Variants in UNC13C observed in about 807,000 individuals in gnomAD.
UNC13C encodes unc-13 homolog C.
In UNC13C, 174 loss-of-function variants were observed where a neutral mutation model predicts 245.4. The observed-to-expected ratio is 0.71, with a 90% CI of 0.63 to 0.80. The LOEUF (loss-of-function observed/expected upper bound fraction) is 0.80. UNC13C is among the 30% of genes least tolerant of loss of function. The pLI is 0.00. For missense variants in UNC13C, 2,829 were observed against 2,602.9 expected, an observed-to-expected ratio of 1.09 and a Z score of -1.89; for synonymous variants, 992 against 895.1, an observed-to-expected ratio of 1.11 and a Z score of -1.93.
At chr15:54,336,475 T>C (rs1286542302) in intron 16 of UNC13C, among the ~76,000 whole-genome samples, 1 of 147,734 alleles carries the variant, frequency 6.8e-6, no homozygotes, top group African/African-American at 2.5e-5. Flanking sequence ...GTTTTTAATT[T>C]TGGTCTACTT....
intron 30 of UNC13C, among the ~76,000 whole-genome samples, chr15:54,621,541 G>A (rs1354340446): frequency 6.6e-6 from 1 of 152,060 alleles, no homozygotes; most frequent in Non-Finnish European, 1.5e-5. Flanking sequence ...ACATTTTTAG[G>A]TGAAAAGATA....
At chr15:54,561,460 T>C (rs185626963) in intron 29 of UNC13C, among the ~76,000 whole-genome samples, 41 of 152,020 alleles carry the variant, frequency 2.7e-4, no homozygotes, top group African/African-American at 9.6e-4. Flanking sequence ...GTTTACAGGC[T>C]GGATAGAAAG....
chr15:54,109,139 G>C (rs747092295), intron 2 of UNC13C, among the ~76,000 whole-genome samples: 22 of 152,008 alleles, frequency 1.4e-4, no homozygotes, highest in Non-Finnish European at 7.4e-5. Flanking sequence ...TTTTTCATCT[G>C]TGCTGTCTTA....
At chr15:54,186,586 G>T (rs886207755) in intron 4 of UNC13C, among the ~76,000 whole-genome samples, 1 of 151,816 alleles carries the variant, frequency 6.6e-6, no homozygotes, top group Non-Finnish European at 1.5e-5. Flanking sequence ...AGTGAAGAAT[G>T]TATGTTATTA....
chr15:54,175,221 T>C (rs968204955), intron 4 of UNC13C, among the ~76,000 whole-genome samples: 2 of 152,170 alleles, frequency 1.3e-5, no homozygotes, highest in Non-Finnish European at 2.9e-5. Flanking sequence ...CTTTTCTTTA[T>C]GTAGGATTCC....
At chr15:54,236,036 C>T (rs1427030861) in intron 5 of UNC13C, among the ~76,000 whole-genome samples, 5 of 148,464 alleles carry the variant, frequency 3.4e-5, no homozygotes, top group African/African-American at 1.0e-4. Context: ...AAAAAATCAT[C>T]GTGAAAAAGT....
chr15:54,333,967 A>G (rs1012869110), intron 16 of UNC13C, 111 bp downstream of exon 16: 3 of 721,518 alleles, frequency 4.2e-6, no homozygotes, highest in East Asian at 2.7e-5. Flanking sequence ...AACTCCATCG[A>G]TTAAGCTGTA....
At chr15:54,225,564 G>A (rs181223474) in intron 4 of UNC13C, among the ~76,000 whole-genome samples, 103 of 152,170 alleles carry the variant, frequency 6.8e-4, no homozygotes, top group Non-Finnish European at 1.1e-3. Context: ...TATTCTCTTC[G>A]TAGCAAATGT....
rs561554214 is a variant in UNC13C at position 54,475,024 on chromosome 15, C to G, written c.4934-19584C>G. 1.2e-3 allele frequency among the ~76,000 whole-genome samples: 182 copies of G among 152,094 alleles called. 1 individual carries two copies. The highest frequency in any genetic ancestry group is 4.3e-3 in the African/African-American group (178 of 41,506). On this transcript the variant is annotated intron_variant, in intron 19 of 32. Coordinates refer to ENST00000260323, the MANE Select transcript of UNC13C (RefSeq NM_001080534.3). ...GACATCCATCCCCATGACTCAAACACCTCCTATTAGGCCCTACCTACAACA... is the reference window on the plus strand; with the variant it reads ...GACATCCATCCCCATGACTCAAACAGCTCCTATTAGGCCCTACCTACAACA...
intron 17 of UNC13C, among the ~76,000 whole-genome samples, chr15:54,385,044 C>T (rs994182421): frequency 3.9e-5 from 6 of 152,088 alleles, no homozygotes; most frequent in Non-Finnish European, 1.5e-5. Flanking sequence ...GAAAAGGGAA[C>T]TATTACACAC....
chr15:54,198,461 C>T (rs2034426053), intron 4 of UNC13C, among the ~76,000 whole-genome samples: 1 of 152,176 alleles, frequency 6.6e-6, no homozygotes, highest in African/African-American at 2.4e-5. Context: ...GTCCACTTCA[C>T]TCCCCTGCTA....
intron 4 of UNC13C, among the ~76,000 whole-genome samples, chr15:54,174,504 G>C (rs550801090): frequency 5.3e-5 from 8 of 152,176 alleles, no homozygotes; most frequent in African/African-American, 1.9e-4. Flanking sequence ...AAATGGTTTA[G>C]TTTAGGTATG....
In UNC13C at chr15:54,567,855, C is replaced by T. The variant is rs753630567; in HGVS notation, c.6014C>T (p.Pro2005Leu). ...GLKKNFLEKS[P>L]DLQSLRYALS... ...AAAAAGAATTTCTTGGAGAAAAGCC[C>T]AGATCTTCAGTCTCTGAGATATGCT... Residue 2005 changes from proline to leucine, a missense_variant, in exon 30 of 33, where the codon CCA (proline) becomes CTA (leucine). Pro to Leu is a moderately conservative substitution (Grantham distance 98). Coordinates refer to ENST00000260323, the MANE Select transcript of UNC13C (RefSeq NM_001080534.3). 5 of 1,603,700 alleles carry T rather than the reference C, an allele frequency of 3.1e-6. No homozygotes were observed. Among genetic ancestry groups the T allele is most frequent in the South Asian group, 2.2e-5 (2 of 89,224 alleles).
intron 19 of UNC13C, among the ~76,000 whole-genome samples, chr15:54,416,590 T>C (rs953394733): frequency 6.6e-6 from 1 of 152,160 alleles, no homozygotes; most frequent in African/African-American, 2.4e-5. Flanking sequence ...CTGCTTTCAC[T>C]GTCTCTTTGG....
At chr15:54,603,787 C>T (rs1040418898) in intron 30 of UNC13C, among the ~76,000 whole-genome samples, 4 of 152,090 alleles carry the variant, frequency 2.6e-5, no homozygotes, top group Non-Finnish European at 5.9e-5. Flanking sequence ...TCACTTGAAA[C>T]GGGAGGCAGA....
chr15:54,115,698 T>C (rs1195272581), intron 2 of UNC13C, among the ~76,000 whole-genome samples: 1 of 152,162 alleles, frequency 6.6e-6, no homozygotes, highest in African/African-American at 2.4e-5. Context: ...GTATCAATCA[T>C]AGTTTGCTCA....
In UNC13C at chr15:54,138,797, A is replaced by G. The variant is rs77674446; in HGVS notation, c.2984-4221A>G. ...GAGTTCTGGAGGCTGGACGTTCACT[A>G]TCAAGGTGTTGGCAGGGCCATACTC... is the stretch of plus-strand genomic sequence containing the variant. On this transcript the variant is annotated intron_variant, in intron 2 of 32. Coordinates refer to ENST00000260323, the MANE Select transcript of UNC13C (RefSeq NM_001080534.3). Among the ~76,000 whole-genome samples, 936 of 152,004 alleles carry G rather than the reference A, an allele frequency of 6.2e-3. 13 individuals carry two copies. Among genetic ancestry groups the G allele is most frequent in the African/African-American group, 0.022 (898 of 41,480 alleles).
At chr15:54,466,627 A>G (rs1330284976) in intron 19 of UNC13C, among the ~76,000 whole-genome samples, 2 of 151,798 alleles carry the variant, frequency 1.3e-5, no homozygotes, top group Non-Finnish European at 3.0e-5. Flanking sequence ...AAAAAATTAT[A>G]TATGTGATTA....
the UNC13C span, among the ~76,000 whole-genome samples, chr15:53,941,193 A>C: frequency 6.6e-6 from 1 of 152,270 alleles, no homozygotes; most frequent in African/African-American, 2.4e-5. Context: ...TGGCAAAAGC[A>C]ATGAGAAAAT....
Sources: gnomAD v4.1 joint callset for allele counts (sites outside exome capture counted in the v4.1 genomes callset) on GRCh38, gnomAD v4.1.1 for gene constraint, MANE v1.5 for transcripts, NCBI Gene and HGNC (gene_info 2026-07-23, HGNC 2026-07-21) for gene names.